AK7: variants seen among roughly 807,000 people sequenced by gnomAD.
The protein encoded by AK7 is ATP-AMP transphosphorylase 7.
AK7 carries 78 observed loss-of-function variants against 96.6 expected under a neutral mutation model. The ratio of observed to expected loss-of-function variants is 0.81; its 90% CI spans 0.67 to 0.97. AK7 has a LOEUF of 0.97. Ranked by LOEUF, AK7 falls within the 50% of genes least tolerant of loss-of-function variation. The pLI, the probability that AK7 is intolerant of heterozygous loss-of-function variation, is 0.00. For missense variants in AK7, 855 were observed against 887.9 expected (o/e 0.96, Z 0.47); for synonymous variants, 302 against 317.2 (o/e 0.95, Z 0.51).
chr14:96,412,647 C>T (rs1293571111), intron 4 of AK7, among the ~76,000 whole-genome samples: 1 of 151,704 alleles, frequency 6.6e-6, no homozygotes, highest in Non-Finnish European at 1.5e-5. Context: ...CTCACTGCAG[C>T]CTCCACCTCC....
chr14:96,444,251 C>T (rs1323095501), intron 7 of AK7, among the ~76,000 whole-genome samples: 1 of 152,102 alleles, frequency 6.6e-6, no homozygotes, highest in African/African-American at 2.4e-5. Flanking sequence ...GGGGCCGAAA[C>T]ATACCCATTT....
At chr14:96,481,704 CTTTT>C (rs574599095) in intron 15 of AK7, among the ~76,000 whole-genome samples, 1 of 133,022 alleles carries the variant, frequency 7.5e-6, no homozygotes. Flanking sequence ...TGACTTTTAC[CTTTT>C]TTTTTTTTTT....
At position 96,394,038 on chromosome 14, in the gene AK7, G is replaced by T. The variant is rs531043008; in HGVS notation, c.105+1779G>T. Among the ~76,000 whole-genome samples the T allele has an allele frequency of 7.2e-5, 11 of 152,178 alleles. No homozygotes were observed. The South Asian group carries it at 2.3e-3, about 32-fold the overall frequency. ...GCAGGAAAATCACTTGAACCCAGGG[G>T]GCGGAGGTTGCAGTGAGCCGAGATT... On this transcript the variant is annotated intron_variant, in intron 1 of 17. Coordinates refer to ENST00000267584, the MANE Select transcript of AK7 (RefSeq NM_152327.5).
At chr14:96,487,089 T>C in intron 17 of AK7, 33 bp downstream of exon 17, 1 of 1,611,234 alleles carries the variant, frequency 6.2e-7, no homozygotes, top group Admixed American at 1.7e-5. Context: ...AAAGATCAAT[T>C]TGAGTTTGGG....
chr14:96,415,279 A>G (rs533772397), intron 4 of AK7, among the ~76,000 whole-genome samples: 2 of 152,168 alleles, frequency 1.3e-5, no homozygotes, highest in East Asian at 3.9e-4. Flanking sequence ...ACACAGCAAG[A>G]CACCATCTCT....
chr14:96,392,346 C>G, intron 1 of AK7, 87 bp downstream of exon 1: 1 of 1,204,288 alleles, frequency 8.3e-7, no homozygotes, highest in Non-Finnish European at 1.2e-6. Flanking sequence ...CGAGGGTCTG[C>G]GCCCCAGGGC....
chr14:96,451,410 C>T lies in AK7; in HGVS notation c.949-11C>T, dbSNP rs780676422. 1.3e-6 allele frequency: 2 copies of T among 1,553,172 alleles called. No homozygotes were observed. Among genetic ancestry groups the T allele is most frequent in the Non-Finnish European group, 1.7e-6 (2 of 1,145,826 alleles). On this transcript the variant is annotated splice_polypyrimidine_tract_variant and intron_variant, in intron 9 of 17. Transcript: ENST00000267584. ...AAAAAGACAAATCTCTAATTGTCCTCTATCTTTCAGCAAGATTGTCTTGAC... is the reference window on the plus strand; with the variant it reads ...AAAAAGACAAATCTCTAATTGTCCTTTATCTTTCAGCAAGATTGTCTTGAC...
intron 5 of AK7, among the ~76,000 whole-genome samples, chr14:96,423,048 A>T (rs1242219586): frequency 6.6e-6 from 1 of 152,212 alleles, no homozygotes; most frequent in Non-Finnish European, 1.5e-5. Flanking sequence ...ACAGACACAG[A>T]TGTAGGGATT....
intron 6 of AK7, among the ~76,000 whole-genome samples, chr14:96,441,333 G>T (rs998802418): frequency 2.0e-5 from 3 of 151,056 alleles, no homozygotes; most frequent in African/African-American, 7.3e-5. Flanking sequence ...ATTTCATAGT[G>T]GGCAAATTGT....
intron 5 of AK7, among the ~76,000 whole-genome samples, 179 bp from the exon 6 acceptor site, chr14:96,437,656 T>C (rs189456619): frequency 1.3e-5 from 2 of 152,322 alleles, no homozygotes; most frequent in East Asian, 3.9e-4. Context: ...TATTCCTGAA[T>C]AGTGCGGGGG....
intron 7 of AK7, among the ~76,000 whole-genome samples, chr14:96,444,280 C>T (rs905047321): frequency 6.6e-6 from 1 of 152,238 alleles, no homozygotes; most frequent in South Asian, 2.1e-4. Context: ...AGAGATTTTA[C>T]ATTATGACAT....
intron 8 of AK7, among the ~76,000 whole-genome samples, chr14:96,447,381 C>T (rs1322902161): frequency 6.6e-6 from 1 of 152,218 alleles, no homozygotes; most frequent in Admixed American, 6.5e-5. Context: ...GTGGTGTGAT[C>T]ATAGCTCACT....
chr14:96,392,669 AT>A (rs34085850), intron 1 of AK7, among the ~76,000 whole-genome samples: 134,863 of 149,696 alleles, frequency 0.9, 61,186 homozygotes, highest in African/African-American at 0.97. Flanking sequence ...AAATAAATCA[AT>A]TTTTTTTTTT....
chr14:96,414,110 A>G (rs1048633990), intron 4 of AK7, among the ~76,000 whole-genome samples: 2 of 152,242 alleles, frequency 1.3e-5, no homozygotes, highest in African/African-American at 4.8e-5. Context: ...GGTAAAATGT[A>G]AAACAAGTGT....
intron 10 of AK7, among the ~76,000 whole-genome samples, chr14:96,454,096 G>A (rs537189779): frequency 2.8e-4 from 43 of 152,262 alleles, no homozygotes; most frequent in Non-Finnish European, 2.8e-4. Flanking sequence ...ATGGGACAGC[G>A]CTGCTAGCCA....
chr14:96,400,030 CTTTTTTTTTTTTT>C (rs34001068), intron 2 of AK7, among the ~76,000 whole-genome samples: 5 of 86,346 alleles, frequency 5.8e-5, no homozygotes, highest in African/African-American at 2.4e-4. Flanking sequence ...CAAAAACAAT[CTTTTTTTTTTTTT>C]TTTTTTTTTT....
intron 4 of AK7, among the ~76,000 whole-genome samples, chr14:96,418,838 G>A (rs1891508093): frequency 6.6e-6 from 1 of 152,150 alleles, no homozygotes; most frequent in Admixed American, 6.6e-5. Context: ...TTTTCATTGT[G>A]TTTCTCCTGC....
At chr14:96,416,029 C>G (rs1317731609) in intron 4 of AK7, among the ~76,000 whole-genome samples, 1 of 152,002 alleles carries the variant, frequency 6.6e-6, no homozygotes, top group African/African-American at 2.4e-5. Context: ...ACGTAATAAC[C>G]AGGGAGAAAC....
In AK7 at chr14:96,429,608, T is replaced by C. The variant is rs567516597; in HGVS notation, c.610-8227T>C. 2.0e-4 allele frequency among the ~76,000 whole-genome samples: 30 copies of C among 152,328 alleles called. 1 individual carries two copies. In the South Asian group the frequency reaches 6.2e-3, roughly 32 times the overall value. On this transcript the variant is annotated intron_variant, in intron 5 of 17. Coordinates refer to ENST00000267584, the MANE Select transcript of AK7 (RefSeq NM_152327.5). ...CCTGTCCATGAGCATGGAATGTTCT[T>C]CCAATTTTTTGTGTCCTCTTTTATT...
Sources: gnomAD v4.1 joint callset for allele counts (sites outside exome capture counted in the v4.1 genomes callset) on GRCh38, gnomAD v4.1.1 for gene constraint, MANE v1.5 for transcripts, NCBI Gene and HGNC (gene_info 2026-07-23, HGNC 2026-07-21) for gene names.